LRBA: variants seen among roughly 807,000 people sequenced by gnomAD.
LRBA encodes LPS responsive beige-like anchor protein, also known as lipopolysaccharide-responsive and beige-like anchor protein.
Under a neutral mutation model 330.0 loss-of-function variants are expected in LRBA, and 176 were observed. That is an observed-to-expected ratio of 0.53 (90% CI 0.47 to 0.60). The LOEUF (loss-of-function observed/expected upper bound fraction) is 0.60, where lower values mean the gene tolerates loss of function less well. Ranked by LOEUF, LRBA falls within the 20% of genes least tolerant of loss-of-function variation. The pLI, the probability that LRBA is intolerant of heterozygous loss-of-function variation, is 0.00. For missense variants in LRBA, 3,259 were observed against 3,444.8 expected, an observed-to-expected ratio of 0.95 and a Z score of 1.35; for synonymous variants, 1,230 against 1,193.0, an observed-to-expected ratio of 1.03 and a Z score of -0.64.
intron 47 of LRBA, among the ~76,000 whole-genome samples, chr4:150,381,247 A>G (rs532435055): frequency 6.6e-4 from 101 of 152,260 alleles, no homozygotes; most frequent in African/African-American, 2.4e-3. Context: ...AAAGTGTACA[A>G]TTCTGTGGTT....
intron 48 of LRBA, among the ~76,000 whole-genome samples, 182 bp from the exon 49 acceptor site, chr4:150,326,080 A>G (rs1200431387): frequency 6.6e-6 from 1 of 152,126 alleles, no homozygotes; most frequent in African/African-American, 2.4e-5. Flanking sequence ...ATCATTTAGA[A>G]CCGCAGAAGC....
chr4:150,915,562 G>A, intron 8 of LRBA, 46 bp downstream of exon 8: 1 of 1,548,388 alleles, frequency 6.5e-7, no homozygotes, highest in South Asian at 1.2e-5. Context: ...AAAAGCTCAT[G>A]CTTTTAAAAT....
At chr4:150,314,056 A>G (rs1004379274) in intron 51 of LRBA, among the ~76,000 whole-genome samples, 2 of 151,904 alleles carry the variant, frequency 1.3e-5, no homozygotes, top group African/African-American at 4.8e-5. Flanking sequence ...TGCTCAACCT[A>G]AAATATTTAC....
At chr4:150,313,840 GTATATATA>G (rs35815992) in intron 51 of LRBA, among the ~76,000 whole-genome samples, 6 of 141,990 alleles carry the variant, frequency 4.2e-5, no homozygotes, top group Non-Finnish European at 6.2e-5. Flanking sequence ...TATATATAAT[GTATATATA>G]TATATATATA....
intron 37 of LRBA, among the ~76,000 whole-genome samples, chr4:150,669,231 A>AAATT (rs766182249): frequency 2.7e-4 from 41 of 152,212 alleles, no homozygotes; most frequent in Non-Finnish European, 4.7e-4. Context: ...TATAAGTTAC[A>AAATT]AATATTAGAG....
At chr4:150,879,110 A>G (rs564324085) in intron 17 of LRBA, among the ~76,000 whole-genome samples, 126 of 152,278 alleles carry the variant, frequency 8.3e-4, no homozygotes, top group Non-Finnish European at 1.6e-3. Context: ...ACACAGCTGC[A>G]AAAGTCCCCA....
At chr4:150,774,899 G>C (rs1378352039) in intron 34 of LRBA, among the ~76,000 whole-genome samples, 1 of 152,066 alleles carries the variant, frequency 6.6e-6, no homozygotes, top group Admixed American at 6.5e-5. Context: ...TGCGTATACA[G>C]GTAAAATAAA....
intron 2 of LRBA, among the ~76,000 whole-genome samples, chr4:150,987,782 A>G (rs547837270): frequency 6.6e-6 from 1 of 151,554 alleles, no homozygotes; most frequent in South Asian, 2.1e-4. Flanking sequence ...CAGGCAGATC[A>G]CCTGAGGTCA....
intron 2 of LRBA, chr4:150,970,554 TGTACACACACACAC>T (rs1435468821): frequency 9.0e-5 from 9 of 99,660 alleles, no homozygotes; most frequent in East Asian, 7.1e-4. Flanking sequence ...TGTGTGTGTG[TGTACACACACACAC>T]ACACACACAC....
intron 36 of LRBA, among the ~76,000 whole-genome samples, chr4:150,705,229 T>C (rs984054367): frequency 6.6e-6 from 1 of 152,278 alleles, no homozygotes; most frequent in East Asian, 1.9e-4. Context: ...ATTTTGCTTT[T>C]ATTAATAAAG....
chr4:150,304,074 T>C (rs1260116736), intron 52 of LRBA, among the ~76,000 whole-genome samples: 8 of 152,190 alleles, frequency 5.3e-5, no homozygotes, highest in Non-Finnish European at 1.2e-4. Flanking sequence ...TGGCTTTCTT[T>C]TTCTTTAAAT....
intron 47 of LRBA, among the ~76,000 whole-genome samples, chr4:150,400,360 T>C (rs972534693): frequency 2.0e-5 from 3 of 152,154 alleles, no homozygotes; most frequent in Middle Eastern, 6.3e-3. Context: ...TCCAGAAACA[T>C]GTACAAGTGA....
At chr4:150,652,658 A>C (rs990636881) in intron 37 of LRBA, among the ~76,000 whole-genome samples, 8 of 152,290 alleles carry the variant, frequency 5.3e-5, no homozygotes, top group African/African-American at 1.9e-4. Flanking sequence ...GCACACAATC[A>C]ATATAAAAAT....
chr4:150,469,327 A>C (rs1755821491), intron 43 of LRBA, among the ~76,000 whole-genome samples: 1 of 152,154 alleles, frequency 6.6e-6, no homozygotes, highest in Admixed American at 6.5e-5. Flanking sequence ...TCCATCCTCT[A>C]ATGCACATTT....
At chr4:150,831,175 A>G (rs1747127230) in intron 29 of LRBA, among the ~76,000 whole-genome samples, 1 of 150,996 alleles carries the variant, frequency 6.6e-6, no homozygotes, top group Non-Finnish European at 1.5e-5. Flanking sequence ...GTCATTCCTG[A>G]TATTTTTACC....
chr4:150,606,583 C>G (rs1023776823), intron 37 of LRBA, among the ~76,000 whole-genome samples: 6 of 152,132 alleles, frequency 3.9e-5, no homozygotes, highest in Non-Finnish European at 8.8e-5. Context: ...GTGCTACACA[C>G]TGTTCTCTGT....
intron 36 of LRBA, among the ~76,000 whole-genome samples, chr4:150,717,269 G>A (rs889411293): frequency 6.6e-6 from 1 of 151,960 alleles, no homozygotes; most frequent in Non-Finnish European, 1.5e-5. Context: ...CTATAGAAGT[G>A]TTTATTTTTA....
intron 17 of LRBA, among the ~76,000 whole-genome samples, chr4:150,875,581 C>T (rs530288459): frequency 2.0e-5 from 3 of 152,312 alleles, no homozygotes; most frequent in East Asian, 1.9e-4. Context: ...TTGAACTGCA[C>T]AGCCCAATAT....
At chr4:151,001,731 C>T (rs1743362849) in intron 2 of LRBA, among the ~76,000 whole-genome samples, 1 of 152,092 alleles carries the variant, frequency 6.6e-6, no homozygotes, top group African/African-American at 2.4e-5. Flanking sequence ...TGCACCCACC[C>T]ACACAGCCTA....
Sources: allele counts gnomAD v4.1 joint callset (sites outside exome capture counted in the v4.1 genomes callset), GRCh38; gene constraint gnomAD v4.1.1; transcripts MANE v1.5; gene names NCBI Gene and HGNC (gene_info 2026-07-23, HGNC 2026-07-21).